The following MIPEP variants were observed in gnomAD, a reference collection of about 807,000 sequenced individuals.
MIPEP encodes the protein mitochondrial intermediate peptidase.
MIPEP carries 79 observed loss-of-function variants against 90.3 expected under a neutral mutation model. The observed-to-expected ratio is 0.87, with a 90% CI of 0.73 to 1.05. MIPEP has a LOEUF of 1.05. Among genes scored for constraint, MIPEP ranks in the 50% least tolerant of loss-of-function variants. The pLI is 0.00. For missense variants in MIPEP, 940 were observed against 905.6 expected, an observed-to-expected ratio of 1.04 and a Z score of -0.49; for synonymous variants, 334 against 315.8, an observed-to-expected ratio of 1.06 and a Z score of -0.61.
At chr13:23,873,717 A>G (rs1376858596) in intron 5 of MIPEP, among the ~76,000 whole-genome samples, 2 of 152,206 alleles carry the variant, frequency 1.3e-5, no homozygotes, top group Non-Finnish European at 2.9e-5. Context: ...AGAAGATATG[A>G]CAATATTAGG....
intron 1 of MIPEP, chr13:23,888,598 G>C: frequency 1.7e-6 from 1 of 604,382 alleles, no homozygotes; most frequent in Non-Finnish European, 2.1e-6. Flanking sequence ...ACAGAGTTTT[G>C]TGTTTTAAAA....
intron 2 of MIPEP, among the ~76,000 whole-genome samples, chr13:23,882,259 A>G (rs1001231012): frequency 6.6e-6 from 1 of 152,038 alleles, no homozygotes; most frequent in Non-Finnish European, 1.5e-5. Flanking sequence ...AAGAGCAGAC[A>G]CTGGTTTCAA....
At chr13:23,841,287 A>G (rs780169457) in intron 11 of MIPEP, 48 bp downstream of exon 11, 9 of 1,554,676 alleles carry the variant, frequency 5.8e-6, no homozygotes, top group Non-Finnish European at 6.9e-6. Flanking sequence ...CAACTGCCCA[A>G]CCGAAAGGTA....
chr13:23,823,429 C>T (rs1361514825), intron 14 of MIPEP, among the ~76,000 whole-genome samples: 1 of 152,232 alleles, frequency 6.6e-6, no homozygotes, highest in Non-Finnish European at 1.5e-5. Context: ...ATCTGACTTT[C>T]TCAATGCTGT....
intron 13 of MIPEP, among the ~76,000 whole-genome samples, 182 bp from the exon 14 acceptor site, chr13:23,836,531 T>C (rs2063550849): frequency 6.6e-6 from 1 of 152,356 alleles, no homozygotes; most frequent in Admixed American, 6.5e-5. Context: ...TATAATCCTA[T>C]ATATTTTCCT....
chr13:23,798,633 T>C (rs1178857927), intron 16 of MIPEP, among the ~76,000 whole-genome samples: 1 of 152,194 alleles, frequency 6.6e-6, no homozygotes, highest in African/African-American at 2.4e-5. Context: ...TTGGGGTGGA[T>C]TCTCATGGTT....
chr13:23,849,562 A>G lies in MIPEP; in HGVS notation c.1107-8074T>C, dbSNP rs574037857. Among the ~76,000 whole-genome samples the G allele has an allele frequency of 2.0e-3, 300 of 152,350 alleles. 2 individuals are homozygous for G. Among genetic ancestry groups the G allele is most frequent in the African/African-American group, 6.9e-3 (286 of 41,592 alleles). ...AAACACTCTGCTATTCTGGTTTATAATACGTTACATATGAGTTTACAGATT... is the reference window on the plus strand; with the variant it reads ...AAACACTCTGCTATTCTGGTTTATAGTACGTTACATATGAGTTTACAGATT... On this transcript the variant is annotated intron_variant, in intron 10 of 18. Coordinates refer to ENST00000382172, the MANE Select transcript of MIPEP (RefSeq NM_005932.4).
chr13:23,818,250 C>G (rs979416116), intron 14 of MIPEP, among the ~76,000 whole-genome samples: 3 of 131,708 alleles, frequency 2.3e-5, no homozygotes, highest in Non-Finnish European at 4.8e-5. Context: ...AACCCTGTAT[C>G]TACTTAAAAA....
Position 23,737,329 on chromosome 13 carries a change from C to G in MIPEP, c.2045-6884G>C, listed in dbSNP as rs575399806. Among the ~76,000 whole-genome samples, 158 of 152,274 alleles carry G rather than the reference C, an allele frequency of 1.0e-3. 1 individual carries two copies. Among genetic ancestry groups the G allele is most frequent in the South Asian group, 4.4e-3 (21 of 4,826 alleles). ...CCAAGAGCCTCTTCCCATCAGGGCA[C>G]AACAGTGCTCACAATGCTTGGTTGC... is the stretch of plus-strand genomic sequence containing the variant. On this transcript the variant is annotated intron_variant, in intron 18 of 18. Coordinates refer to ENST00000382172, the MANE Select transcript of MIPEP (RefSeq NM_005932.4).
chr13:23,831,380 T>TGGCGGGGGGAGGGGTGGGG (rs1175155021), intron 14 of MIPEP, among the ~76,000 whole-genome samples: 1 of 15,644 alleles, frequency 6.4e-5, no homozygotes, highest in African/African-American at 7.5e-5. Context: ...AGCTTCCCCA[T>TGGCGGGGGGAGGGGTGGGG]GGCGGGGGGG....
chr13:23,747,766 G>T (rs9510840), intron 18 of MIPEP, among the ~76,000 whole-genome samples: 30,414 of 152,040 alleles, frequency 0.2, 3,183 homozygotes, highest in African/African-American at 0.25. Flanking sequence ...GTTGAGACGG[G>T]GTCTCGCTCT....
At chr13:23,859,014 G>T in intron 9 of MIPEP, 102 bp from the exon 10 acceptor site, 2 of 910,414 alleles carry the variant, frequency 2.2e-6, no homozygotes, top group Non-Finnish European at 1.7e-6. Context: ...TACTGTTCAT[G>T]TAAATCAGAA....
intron 16 of MIPEP, among the ~76,000 whole-genome samples, chr13:23,795,835 A>G (rs2137382564): frequency 6.7e-6 from 1 of 149,578 alleles, no homozygotes; most frequent in South Asian, 2.1e-4. Context: ...ACCAAAAAAA[A>G]AAAAAAAGCT....
At chr13:23,817,638 T>C (rs1953256120) in intron 14 of MIPEP, among the ~76,000 whole-genome samples, 1 of 152,182 alleles carries the variant, frequency 6.6e-6, no homozygotes, top group African/African-American at 2.4e-5. Context: ...AGCATTAAAA[T>C]TCCGATACCT....
chr13:23,884,846 T>C (rs1038422783), intron 2 of MIPEP, among the ~76,000 whole-genome samples: 5 of 152,206 alleles, frequency 3.3e-5, no homozygotes, highest in African/African-American at 1.2e-4. Context: ...GAAAAACCTA[T>C]GCAGTTCTAT....
intron 18 of MIPEP, among the ~76,000 whole-genome samples, chr13:23,751,255 T>C (rs541278132): frequency 3.2e-4 from 48 of 152,340 alleles, no homozygotes; most frequent in African/African-American, 1.1e-3. Context: ...AGAGATGATA[T>C]AGGATAATAT....
chr13:23,839,170 C>G (rs1027629244), intron 12 of MIPEP, among the ~76,000 whole-genome samples: 2 of 152,170 alleles, frequency 1.3e-5, no homozygotes, highest in Admixed American at 1.3e-4. Flanking sequence ...GGAGTATCTT[C>G]CGCAGTTTTA....
chr13:23,857,304 G>A (rs1333752035), intron 10 of MIPEP, among the ~76,000 whole-genome samples: 2 of 152,112 alleles, frequency 1.3e-5, no homozygotes. Flanking sequence ...AACAGTTTAT[G>A]TGTTTTCACT....
intron 13 of MIPEP, among the ~76,000 whole-genome samples, chr13:23,837,105 T>C (rs1869088357): frequency 6.6e-6 from 1 of 152,246 alleles, no homozygotes; most frequent in Non-Finnish European, 1.5e-5. Context: ...TATGATTTTA[T>C]ACAGGGGAAA....
Sources: gnomAD v4.1 joint callset for allele counts (sites outside exome capture counted in the v4.1 genomes callset) on GRCh38, gnomAD v4.1.1 for gene constraint, MANE v1.5 for transcripts, NCBI Gene and HGNC (gene_info 2026-07-23, HGNC 2026-07-21) for gene names.